KCNIP4: variants seen among roughly 807,000 people sequenced by gnomAD.
The protein encoded by KCNIP4 is Kv channel-interacting protein 4.
Under a neutral mutation model 34.0 loss-of-function variants are expected in KCNIP4, and 12 were observed. That is an observed-to-expected ratio of 0.35 (90% CI 0.23 to 0.57). The LOEUF (loss-of-function observed/expected upper bound fraction) is 0.57, where lower values mean the gene tolerates loss of function less well. Among genes scored for constraint, KCNIP4 ranks in the 20% least tolerant of loss-of-function variants. The pLI is 0.83. For synonymous variants in KCNIP4, 124 were observed against 102.2 expected (o/e 1.21, Z -1.29); for missense variants, 238 against 311.7 (o/e 0.76, Z 1.78).
chr4:21,354,817 C>T (rs1413476765), intron 1 of KCNIP4, among the ~76,000 whole-genome samples: 1 of 152,202 alleles, frequency 6.6e-6, no homozygotes, highest in Non-Finnish European at 1.5e-5. Context: ...ATCTACAGAA[C>T]TCTCCACCTG....
chr4:21,941,706 A>G (rs910384972), intron 1 of KCNIP4, among the ~76,000 whole-genome samples: 6 of 152,216 alleles, frequency 3.9e-5, no homozygotes, highest in Non-Finnish European at 2.9e-5. Flanking sequence ...TAAAAGGTCA[A>G]TAACATATCC....
chr4:20,817,618 T>C (rs1248792912), intron 3 of KCNIP4, among the ~76,000 whole-genome samples: 1 of 152,106 alleles, frequency 6.6e-6, no homozygotes, highest in East Asian at 1.9e-4. Context: ...CCATTTATCA[T>C]GGTGGCTCAT....
intron 1 of KCNIP4, among the ~76,000 whole-genome samples, chr4:21,176,127 T>A (rs980452241): frequency 1.3e-5 from 2 of 152,258 alleles, no homozygotes; most frequent in African/African-American, 4.8e-5. Flanking sequence ...AGATTTTTAG[T>A]CAAGTCATTT....
intron 1 of KCNIP4, among the ~76,000 whole-genome samples, chr4:21,200,103 A>G (rs1158174250): frequency 6.6e-6 from 1 of 151,942 alleles, no homozygotes; most frequent in East Asian, 1.9e-4. Flanking sequence ...TGACAAGTTA[A>G]TGGGTGCAGC....
At chr4:21,529,403 A>G (rs1736481643) in intron 1 of KCNIP4, among the ~76,000 whole-genome samples, 1 of 152,192 alleles carries the variant, frequency 6.6e-6, no homozygotes, top group South Asian at 2.1e-4. Context: ...GTTAAAGCAC[A>G]CTTCCTCAGG....
intron 1 of KCNIP4, among the ~76,000 whole-genome samples, chr4:21,579,157 T>G (rs943956308): frequency 2.4e-4 from 37 of 152,182 alleles, no homozygotes; most frequent in African/African-American, 8.9e-4. Flanking sequence ...CTCTGCTGTA[T>G]GACAGTTCCC....
At chr4:21,856,680 T>A (rs925828224) in intron 1 of KCNIP4, among the ~76,000 whole-genome samples, 3 of 151,912 alleles carry the variant, frequency 2.0e-5, no homozygotes, top group African/African-American at 4.8e-5. Context: ...TGGCTGTAAA[T>A]CTGAGCATCT....
chr4:21,361,429 T>A (rs1719208235), intron 1 of KCNIP4, among the ~76,000 whole-genome samples: 1 of 152,054 alleles, frequency 6.6e-6, no homozygotes, highest in African/African-American at 2.4e-5. Flanking sequence ...GTATCAGCAA[T>A]CTCTGCTACA....
chr4:21,648,061 G>A (rs57305375), intron 1 of KCNIP4, among the ~76,000 whole-genome samples: 2 of 151,512 alleles, frequency 1.3e-5, no homozygotes, highest in Admixed American at 6.6e-5. Context: ...TTTTAGTGGA[G>A]ATGGGGTTTC....
chr4:21,283,935 C>T (rs1320480515), intron 1 of KCNIP4, among the ~76,000 whole-genome samples: 4 of 152,042 alleles, frequency 2.6e-5, no homozygotes, highest in Admixed American at 6.5e-5. Context: ...ATTTACTGGC[C>T]GGGCACGGTG....
At chr4:21,773,762 TG>T (rs1483694390) in intron 1 of KCNIP4, among the ~76,000 whole-genome samples, 3,258 of 132,966 alleles carry the variant, frequency 0.025, 157 homozygotes, top group African/African-American at 0.13. Flanking sequence ...TTTTTTTGTT[TG>T]TTTGTTTTTG....
chr4:21,386,713 G>A (rs750444444), intron 1 of KCNIP4, among the ~76,000 whole-genome samples: 12 of 152,104 alleles, frequency 7.9e-5, no homozygotes, highest in Non-Finnish European at 1.6e-4. Context: ...TCAGGTGAGG[G>A]AGGGGACACG....
intron 3 of KCNIP4, among the ~76,000 whole-genome samples, chr4:20,784,756 C>T (rs569869764): frequency 2.0e-5 from 3 of 152,204 alleles, no homozygotes; most frequent in African/African-American, 7.2e-5. Flanking sequence ...TCAGTTGGCT[C>T]ACAATCGAGT....
rs144647889 is a variant in KCNIP4, at chr4:21,385,203, G to C, written c.62-502494C>G. Among the ~76,000 whole-genome samples, 485 of 152,282 alleles carry C rather than the reference G, an allele frequency of 3.2e-3. 3 individuals are homozygous for C. Among genetic ancestry groups the C allele is most frequent in the Middle Eastern group, 6.8e-3 (2 of 294 alleles). On this transcript the variant is annotated intron_variant, in intron 1 of 8. Coordinates refer to ENST00000382152, the MANE Select transcript of KCNIP4 (RefSeq NM_025221.6). ...AGTGTTGCTTAAAATTGGAGTGAGA[G>C]AGGTGACCAATATTGTTCTGGTTAA...
intron 1 of KCNIP4, among the ~76,000 whole-genome samples, chr4:21,315,084 T>C (rs987782527): frequency 4.6e-5 from 7 of 152,290 alleles, no homozygotes; most frequent in African/African-American, 1.7e-4. Context: ...TTTGGGTAAA[T>C]ACCATCTTTC....
chr4:21,526,597 A>G (rs1735995176), intron 1 of KCNIP4, among the ~76,000 whole-genome samples: 1 of 152,006 alleles, frequency 6.6e-6, no homozygotes, highest in African/African-American at 2.4e-5. Context: ...TATAGCTTAT[A>G]ACTTTAATTT....
intron 1 of KCNIP4, among the ~76,000 whole-genome samples, chr4:21,855,291 G>T (rs1724679966): frequency 6.6e-6 from 1 of 152,130 alleles, no homozygotes; most frequent in Non-Finnish European, 1.5e-5. Flanking sequence ...CTTCTCTCCT[G>T]CCAGTGACTG....
rs542073235 is a variant in KCNIP4 at position 20,906,444 on chromosome 4, C to T, written c.62-23735G>A. 3.3e-5 allele frequency among the ~76,000 whole-genome samples: 5 copies of T among 152,268 alleles called. 1 individual carries two copies. The highest frequency in any genetic ancestry group is 7.2e-5 in the African/African-American group (3 of 41,554). On this transcript the variant is annotated intron_variant, in intron 1 of 8. Transcript: ENST00000382152. ...CTAAAGCCTAGTTCTAACGAAAAAG[C>T]CCACAGTCCTTCACTAATTCAGGCA...
At chr4:21,707,381 G>T (rs540287911) in intron 1 of KCNIP4, among the ~76,000 whole-genome samples, 1 of 152,250 alleles carries the variant, frequency 6.6e-6, no homozygotes, top group South Asian at 2.1e-4. Context: ...CCGAAGAAGT[G>T]AAATTTTTTC....
Sources: gnomAD v4.1 joint callset for allele counts (sites outside exome capture counted in the v4.1 genomes callset) on GRCh38, gnomAD v4.1.1 for gene constraint, MANE v1.5 for transcripts, NCBI Gene and HGNC (gene_info 2026-07-23, HGNC 2026-07-21) for gene names.